Variants in GFRA2 observed in about 807,000 individuals in gnomAD.
GFRA2 encodes GDNF family receptor alpha 2.
Under a neutral mutation model 48.3 loss-of-function variants are expected in GFRA2, and 17 were observed. That is an observed-to-expected ratio of 0.35 (90% CI 0.24 to 0.53). GFRA2 has a LOEUF of 0.53. Ranked by LOEUF, GFRA2 falls within the 20% of genes least tolerant of loss-of-function variation. The probability of loss-of-function intolerance (pLI) is 0.93; values close to 1 mark genes in which losing one functional copy is unlikely to be tolerated. For synonymous variants in GFRA2, 305 were observed against 257.2 expected (o/e 1.19, Z -1.78); for missense variants, 660 against 637.3 (o/e 1.04, Z -0.38).
chr8:21,782,017 A>G (rs1807017280), intron 2 of GFRA2, among the ~76,000 whole-genome samples: 1 of 152,146 alleles, frequency 6.6e-6, no homozygotes, highest in Non-Finnish European at 1.5e-5. Context: ...GGTGTCCTGG[A>G]AGCAGGGAGG....
chr8:21,722,709 C>A (rs1803662514), intron 4 of GFRA2, among the ~76,000 whole-genome samples: 1 of 152,214 alleles, frequency 6.6e-6, no homozygotes, highest in South Asian at 2.1e-4. Context: ...CCCTTTCCCC[C>A]CCAGTCAGAG....
At chr8:21,786,252 G>A (rs1484533867) in intron 1 of GFRA2, among the ~76,000 whole-genome samples, 2 of 152,208 alleles carry the variant, frequency 1.3e-5, no homozygotes, top group African/African-American at 4.8e-5. Context: ...CTGAAAAGGA[G>A]AAAGGTGGAC....
At chr8:21,791,051 C>G (rs1400459413), upstream of GFRA2, among the ~76,000 whole-genome samples, 3 of 152,154 alleles carry the variant, frequency 2.0e-5, no homozygotes, top group South Asian at 2.1e-4. Flanking sequence ...GGCCTTCCCC[C>G]TTCCAAGGAC....
chr8:21,705,719 C>T (rs1386624189), intron 5 of GFRA2, among the ~76,000 whole-genome samples: 2 of 152,212 alleles, frequency 1.3e-5, no homozygotes, highest in Non-Finnish European at 2.9e-5. Context: ...GCCCCTGGGG[C>T]CCTCCTTCCC....
At chr8:21,734,132 T>C (rs1392385818) in intron 4 of GFRA2, among the ~76,000 whole-genome samples, 2 of 152,238 alleles carry the variant, frequency 1.3e-5, no homozygotes, top group African/African-American at 4.8e-5. Context: ...TGGACCGGCC[T>C]GGCTTCTGGA....
chr8:21,726,853 AG>A (rs1803895620), intron 4 of GFRA2, among the ~76,000 whole-genome samples: 2 of 151,222 alleles, frequency 1.3e-5, no homozygotes, highest in South Asian at 4.2e-4. Context: ...CCCCAGTTCA[AG>A]CAATTCTCCT....
At chr8:21,735,815 T>C (rs1585273509) in intron 4 of GFRA2, among the ~76,000 whole-genome samples, 1 of 151,264 alleles carries the variant, frequency 6.6e-6, no homozygotes, top group Admixed American at 6.6e-5. Flanking sequence ...TACGGGCCCA[T>C]GCCACCACAC....
chr8:21,771,653 C>T (rs1239223555), intron 3 of GFRA2, among the ~76,000 whole-genome samples: 5 of 152,144 alleles, frequency 3.3e-5, no homozygotes, highest in African/African-American at 1.2e-4. Flanking sequence ...AAGAAGAATA[C>T]ACGTTCCAGG....
At chr8:21,714,685 A>C (rs1467827776) in intron 4 of GFRA2, among the ~76,000 whole-genome samples, 1 of 152,138 alleles carries the variant, frequency 6.6e-6, no homozygotes, top group Non-Finnish European at 1.5e-5. Context: ...ATCTCATTTA[A>C]TTTTCTGAAC....
intron 2 of GFRA2, among the ~76,000 whole-genome samples, chr8:21,799,603 G>A (rs1807737371): frequency 6.6e-6 from 1 of 152,128 alleles, no homozygotes; most frequent in Non-Finnish European, 1.5e-5. Flanking sequence ...CCATTCATGG[G>A]AGCCAGACTC....
Position 21,702,858 on chromosome 8 carries a change from T to C in GFRA2, c.1165A>G (p.Ser389Gly). 1.2e-6 allele frequency: 2 copies of C among 1,610,226 alleles called. No homozygotes were observed. Among genetic ancestry groups the C allele is most frequent in the East Asian group, 2.3e-5 (1 of 44,310 alleles). Residue 389 changes from serine to glycine, a missense_variant, in exon 7 of 9, where the codon AGT (serine) becomes GGT (glycine). Ser to Gly is a moderately conservative substitution (Grantham distance 56, BLOSUM62 0). Coordinates refer to ENST00000524240, the MANE Select transcript of GFRA2 (RefSeq NM_001495.5). ...EKTPSLPDDLSDSTSLGTSVI... is the reference protein window; with the variant it reads ...EKTPSLPDDLGDSTSLGTSVI... ...CTGGTCCCCAAGCTGGTACTGTCAC[T>C]GAGGTCATCTGGCAAAGAAGGCGTC...
chr8:21,780,290 G>T (rs1806917642), intron 2 of GFRA2, among the ~76,000 whole-genome samples: 1 of 151,980 alleles, frequency 6.6e-6, no homozygotes, highest in Non-Finnish European at 1.5e-5. Flanking sequence ...ACCCTCTGAG[G>T]CACACAGCAG....
In GFRA2 at chr8:21,702,950, C is replaced by T. The variant is rs182077040; in HGVS notation, c.1073G>A (p.Gly358Asp). 149 of 1,545,510 alleles carry T rather than the reference C, an allele frequency of 9.6e-5. 1 individual carries two copies. The highest frequency in any genetic ancestry group is 2.1e-4 in the Admixed American group (10 of 48,326). ...LRNAIQAFGNGTDVNVSPKGP... is the reference protein window; with the variant it reads ...LRNAIQAFGNDTDVNVSPKGP... ...TTTTGGGGACACGTTCACGTCCGTGCCGTTGCCAAAGGCCTGGATGGCGTT... is the reference window on the plus strand; with the variant it reads ...TTTTGGGGACACGTTCACGTCCGTGTCGTTGCCAAAGGCCTGGATGGCGTT... Residue 358 changes from glycine (G) to aspartate (D), a missense_variant, in exon 7 of 9, where the codon GGC (glycine) becomes GAC (aspartate). Physicochemically the swap from Gly to Asp is moderately conservative, Grantham distance 94. Coordinates refer to ENST00000524240, the MANE Select transcript of GFRA2 (RefSeq NM_001495.5).
In GFRA2 at chr8:21,693,186, G is replaced by GGT. The variant is rs141587546; in HGVS notation, c.*90_*91dup. ...GGGAAAAACAATTTTTTTTTTGCAA[G>GGT]GTGTGTGTGTGTCTGTGTGTGTTTC... is the stretch of plus-strand genomic sequence containing the variant. On this transcript the variant is annotated 3_prime_UTR_variant, in exon 9 of 9. Coordinates refer to ENST00000524240, the MANE Select transcript of GFRA2 (RefSeq NM_001495.5). 1.6e-5 allele frequency: 19 copies of GGT among 1,202,696 alleles called. No homozygotes were observed. The highest frequency in any genetic ancestry group is 2.9e-5 in the East Asian group (1 of 34,792). 74.5% of individuals were successfully genotyped at this position (1,202,696 alleles called of 1,614,324 possible).
chr8:21,707,864 T>A (rs1011837513), intron 4 of GFRA2, among the ~76,000 whole-genome samples: 1 of 152,232 alleles, frequency 6.6e-6, no homozygotes, highest in Non-Finnish European at 1.5e-5. Flanking sequence ...TATGTGTATT[T>A]TACCACAATG....
At chr8:21,791,155 A>G (rs1292081750), upstream of GFRA2, among the ~76,000 whole-genome samples, 1 of 152,170 alleles carries the variant, frequency 6.6e-6, no homozygotes, top group Non-Finnish European at 1.5e-5. Flanking sequence ...TTTGAGCATA[A>G]TGAGAGAAAT....
chr8:21,782,972 G>A (rs1258172915), intron 1 of GFRA2, 73 bp from the exon 2 acceptor site: 1 of 1,399,928 alleles, frequency 7.1e-7, no homozygotes, highest in Non-Finnish European at 9.8e-7. Context: ...CAGGCCTGGG[G>A]GCTTGGGCCC....
Position 21,769,228 on chromosome 8 carries a change from G to C in GFRA2, c.439+5744C>G, listed in dbSNP as rs373108061. 5.2e-6 allele frequency: 5 copies of C among 964,814 alleles called. No individual in the cohort carries two copies. The African/African-American group carries it at 7.3e-5, about 14-fold the overall frequency. The allele number at this position is 964,814 out of a possible 1,614,324, so 59.8% of individuals were successfully genotyped here. On this transcript the variant is annotated intron_variant, in intron 3 of 8. Transcript: ENST00000524240. ...TTTACTGAACAAAACATGCTCCTCC[G>C]AAGTCTGGCCCCAGCCCCGCCCCAG...
At chr8:21,753,154 T>C (rs1051355984) in intron 3 of GFRA2, among the ~76,000 whole-genome samples, 3 of 152,198 alleles carry the variant, frequency 2.0e-5, no homozygotes, top group African/African-American at 7.2e-5. Context: ...CACACCTCTA[T>C]ATGTGTGCTG....
Sources: allele counts gnomAD v4.1 joint callset (sites outside exome capture counted in the v4.1 genomes callset), GRCh38; gene constraint gnomAD v4.1.1; transcripts MANE v1.5; gene names NCBI Gene and HGNC (gene_info 2026-07-23, HGNC 2026-07-21).